Variants in FRY observed in about 807,000 individuals in gnomAD.
FRY encodes the protein protein furry homolog.
In FRY, 128 loss-of-function variants were observed where a neutral mutation model predicts 348.4. That is an observed-to-expected ratio of 0.37 (90% CI 0.32 to 0.43). FRY has a LOEUF of 0.43. Ranked by LOEUF, FRY falls within the 20% of genes least tolerant of loss-of-function variation. The pLI is 1.00. For synonymous variants in FRY, 1,370 were observed against 1,374.7 expected, an observed-to-expected ratio of 1.00 and a Z score of 0.08; for missense variants, 2,736 against 3,695.2, an observed-to-expected ratio of 0.74 and a Z score of 6.73.
intron 31 of FRY, among the ~76,000 whole-genome samples, chr13:32,203,744 C>G (rs1258416859): frequency 6.6e-6 from 1 of 152,098 alleles, no homozygotes. Context: ...GCATTTGTCA[C>G]CTAACTTCTT....
intron 59 of FRY, among the ~76,000 whole-genome samples, chr13:32,291,572 A>C (rs1889365738): frequency 6.6e-6 from 1 of 151,692 alleles, no homozygotes; most frequent in Non-Finnish European, 1.5e-5. Flanking sequence ...CACCTGGCTA[A>C]TTTTGTATTT....
rs1252494136 is a variant in FRY at position 32,202,906 on chromosome 13, G to A, written c.4018+379G>A. On this transcript the variant is annotated intron_variant, in intron 31 of 60. Transcript: ENST00000542859. ...AGAGTTTGCAGTGAGCCGAGATTGC[G>A]CCACCGTACCCCAACCTGGGCAACA... Among the ~76,000 whole-genome samples the A allele has an allele frequency of 4.0e-5, 6 of 149,850 alleles. No individual in the cohort carries two copies. In the South Asian group the frequency reaches 1.1e-3, roughly 26 times the overall value.
In FRY at chr13:32,239,390, C is replaced by A. The variant is rs1478795946; in HGVS notation, c.6516+41C>A. ...CCACACTCAGGCAGATCCATAGAGG[C>A]CTTCAGGACGCCCTAGTGTCAGGCA... On this transcript the variant is annotated intron_variant, in intron 45 of 60. Transcript: ENST00000542859. The surrounding 1 kb of genome is among the most constrained non-coding windows in gnomAD (Gnocchi z 4.3). 7 of 1,193,444 alleles carry A rather than the reference C, an allele frequency of 5.9e-6. No individual in the cohort carries two copies. Among genetic ancestry groups the A allele is most frequent in the African/African-American group, 1.5e-5 (1 of 66,708 alleles). The allele number at this position is 1,193,444 out of a possible 1,614,324, so 73.9% of individuals were successfully genotyped here. A position where few individuals can be genotyped will look rare whatever the true frequency, so the allele number is the denominator to read the frequency against.
intron 1 of FRY, among the ~76,000 whole-genome samples, chr13:32,046,930 C>T (rs12428063): frequency 3.3e-5 from 5 of 152,080 alleles, no homozygotes; most frequent in African/African-American, 9.7e-5. Context: ...GGGACTGTTA[C>T]GATCATGTGC....
rs769659250 is a variant in FRY, at chr13:32,031,885, CT to C, written c.70+25del. On this transcript the variant is annotated intron_variant, in intron 1 of 60. Coordinates refer to ENST00000542859, the MANE Select transcript of FRY (RefSeq NM_023037.3). The stretch of plus-strand genomic sequence containing the variant: ...GTAATAGTGAGTAATAGAAAATAAC[CT>C]TTTTGTTTGTTTGTTTGCTGGATGT... 10 of 1,355,510 alleles carry C rather than the reference CT, an allele frequency of 7.4e-6. No homozygotes were observed. Among genetic ancestry groups the C allele is most frequent in the East Asian group, 2.3e-5 (1 of 43,686 alleles). The allele number at this position is 1,355,510 out of a possible 1,614,324, so 84.0% of individuals were successfully genotyped here.
At chr13:32,214,134 A>G (rs1191316857) in intron 35 of FRY, among the ~76,000 whole-genome samples, 4 of 152,226 alleles carry the variant, frequency 2.6e-5, no homozygotes. Flanking sequence ...TATAGCACCT[A>G]CACTATTTGT....
chr13:32,056,336 T>A (rs1873622471), intron 1 of FRY, among the ~76,000 whole-genome samples: 1 of 152,194 alleles, frequency 6.6e-6, no homozygotes, highest in Non-Finnish European at 1.5e-5. Flanking sequence ...GCTTCACCAG[T>A]AGCTTGCTGT....
At position 32,178,257 on chromosome 13, in the gene FRY, T is replaced by A; in HGVS notation, c.2502T>A (p.Asp834Glu). Residue 834 changes from aspartate to glutamate, a missense_variant, in exon 21 of 61, where the codon GAT (aspartate) becomes GAA (glutamate). Asp to Glu is a conservative substitution (Grantham distance 45, BLOSUM62 2). Coordinates refer to ENST00000542859, the MANE Select transcript of FRY (RefSeq NM_023037.3). The stretch of plus-strand genomic sequence containing the variant: ...CAGTCCTGGTCAATAGCCATTATGA[T>A]GTGAAAAGCCCTTCCCATGTCTGGA... ...WNAVLVNSHY[D>E]VKSPSHVWIF... 1 of 1,614,236 alleles carries A rather than the reference T, an allele frequency of 6.2e-7. No individual in the cohort carries two copies. Among genetic ancestry groups the A allele is most frequent in the Non-Finnish European group, 8.5e-7 (1 of 1,180,036 alleles).
intron 1 of FRY, among the ~76,000 whole-genome samples, chr13:32,055,156 C>T (rs1873554716): frequency 6.6e-6 from 1 of 152,082 alleles, no homozygotes; most frequent in Non-Finnish European, 1.5e-5. Flanking sequence ...GCCATCCTCC[C>T]ACCTCAGTCT....
chr13:32,281,766 A>G (rs1013411875), intron 58 of FRY, among the ~76,000 whole-genome samples: 5 of 152,220 alleles, frequency 3.3e-5, no homozygotes, highest in African/African-American at 7.2e-5. Context: ...GCCACCTAAC[A>G]AAAGAAGTTG....
At chr13:32,107,016 T>C (rs368737218) in intron 3 of FRY, among the ~76,000 whole-genome samples, 7 of 152,326 alleles carry the variant, frequency 4.6e-5, no homozygotes, top group African/African-American at 1.7e-4. Flanking sequence ...ATTTTATTGG[T>C]TTAGTATTTC....
chr13:32,231,009 T>A (rs781383754), intron 40 of FRY, among the ~76,000 whole-genome samples, 170 bp from the exon 41 acceptor site: 1 of 152,210 alleles, frequency 6.6e-6, no homozygotes. Context: ...GGGTTTTTTT[T>A]CTTGTAAATT....
chr13:32,243,932 A>G (rs1886639385), intron 46 of FRY, 110 bp from the exon 47 acceptor site: 1 of 1,264,754 alleles, frequency 7.9e-7, no homozygotes, highest in Non-Finnish European at 1.1e-6. Context: ...TCTCCTAAAA[A>G]AATAAAAAAT....
intron 1 of FRY, among the ~76,000 whole-genome samples, chr13:32,067,009 A>C (rs769228820): frequency 8.5e-5 from 13 of 152,236 alleles, no homozygotes; most frequent in Non-Finnish European, 1.5e-4. Flanking sequence ...CACGGTGCTA[A>C]GTGCTGGTGA....
At chr13:32,149,632 G>C in intron 13 of FRY, 116 bp from the exon 14 acceptor site, 3 of 707,346 alleles carry the variant, frequency 4.2e-6, no homozygotes, top group Non-Finnish European at 7.8e-6. Context: ...AAACTGAGCA[G>C]TGCCCCTCCT....
chr13:32,047,581 T>TGG lies in FRY; in HGVS notation c.70+15723_70+15724dup, dbSNP rs34683478. ...TTTTTTCTTTTCTTTTCTTTTTTTTTGGGGGGGGTGCAGAGTTTCACTCTT... is the reference window on the plus strand; with the variant it reads ...TTTTTTCTTTTCTTTTCTTTTTTTTTGGGGGGGGGGTGCAGAGTTTCACTCTT... On this transcript the variant is annotated intron_variant, in intron 1 of 60. Coordinates refer to ENST00000542859, the MANE Select transcript of FRY (RefSeq NM_023037.3). Among the ~76,000 whole-genome samples the TGG allele has an allele frequency of 2.5e-3, 359 of 142,406 alleles. 5 individuals are homozygous for TGG. The highest frequency in any genetic ancestry group is 0.011 in the Middle Eastern group (3 of 276). 93.4% of individuals were successfully genotyped at this position (142,406 alleles called of 152,430 possible).
chr13:32,272,014 T>A (rs1437048437), intron 55 of FRY, among the ~76,000 whole-genome samples: 1 of 152,188 alleles, frequency 6.6e-6, no homozygotes, highest in African/African-American at 2.4e-5. Context: ...AATAATAATA[T>A]AATAATTTTT....
intron 1 of FRY, among the ~76,000 whole-genome samples, chr13:32,062,589 C>T (rs1423458992): frequency 6.6e-6 from 1 of 152,010 alleles, no homozygotes; most frequent in Non-Finnish European, 1.5e-5. Flanking sequence ...AATTTTATGT[C>T]TTTGTACATT....
intron 1 of FRY, among the ~76,000 whole-genome samples, chr13:32,052,767 A>G (rs1195157093): frequency 6.6e-5 from 10 of 152,266 alleles, no homozygotes; most frequent in Admixed American, 6.5e-4. Context: ...CCAATAACTG[A>G]ACAAAGTGTC....
Sources: gnomAD v4.1 joint callset for allele counts (sites outside exome capture counted in the v4.1 genomes callset) on GRCh38, gnomAD v4.1.1 for gene constraint, Gnocchi (gnomAD v3.1) non-coding constraint, MANE v1.5 for transcripts, NCBI Gene and HGNC (gene_info 2026-07-23, HGNC 2026-07-21) for gene names.